Variants in RPS27A observed in about 807,000 individuals in gnomAD.
RPS27A encodes ribosomal protein S27a, also known as ubiquitin-ribosomal protein eS31 fusion protein.
A neutral mutation model predicts 18.9 loss-of-function variants in RPS27A; 1 was observed. The observed-to-expected ratio is 0.05, with a 90% CI of 0.02 to 0.25. The LOEUF (loss-of-function observed/expected upper bound fraction) is 0.25. Ranked by LOEUF, RPS27A falls within the 10% of genes least tolerant of loss-of-function variation. The pLI is 1.00. For synonymous variants in RPS27A, 77 were observed against 63.7 expected, an observed-to-expected ratio of 1.21 and a Z score of -0.99; for missense variants, 123 against 187.4, an observed-to-expected ratio of 0.66 and a Z score of 2.01.
chr2:55,233,086 A>G (rs1302815314), intron 2 of RPS27A: 1 of 649,650 alleles, frequency 1.5e-6, no homozygotes, highest in Non-Finnish European at 2.8e-6. Context: ...GGTTCCAGCT[A>G]GTTAGTTAAA....
At position 55,234,965 on chromosome 2, in the gene RPS27A, G is replaced by A. The variant is rs764788290; in HGVS notation, c.321+3G>A. 1.9e-6 allele frequency: 3 copies of A among 1,612,772 alleles called. No individual in the cohort carries two copies. The highest frequency in any genetic ancestry group is 1.7e-5 in the Admixed American group (1 of 59,992). Reference sequence around the variant, plus strand: ...TGGCTGTCCTGAAATATTATAAGGTGAGCCAGTTAAAGGGCAGAATGTCAG... The same window carrying A: ...TGGCTGTCCTGAAATATTATAAGGTAAGCCAGTTAAAGGGCAGAATGTCAG... On this transcript the variant is annotated splice_donor_region_variant and intron_variant, in intron 5 of 5. Coordinates refer to ENST00000272317, the MANE Select transcript of RPS27A (RefSeq NM_002954.6).
chr2:55,232,044 T>C (rs114057082), upstream of RPS27A: 4,061 of 152,456 alleles, frequency 0.027, 97 homozygotes, highest in South Asian at 0.045. Flanking sequence ...GCAAATTCCC[T>C]TCCCTTGAAG....
At position 55,235,691 on chromosome 2, in the gene RPS27A, C is replaced by G; in HGVS notation, c.*114C>G. 8.5e-7 allele frequency: 1 copy of G among 1,176,428 alleles called. No individual in the cohort carries two copies. Among genetic ancestry groups the G allele is most frequent in the Non-Finnish European group, 1.2e-6 (1 of 803,564 alleles). The allele number at this position is 1,176,428 out of a possible 1,614,324, so 72.9% of individuals were successfully genotyped here. On this transcript the variant is annotated 3_prime_UTR_variant, in exon 6 of 6. Transcript: ENST00000272317. Reference sequence around the variant, plus strand: ...GTCACACCATTTCCTTTTAGTAGTGCTACTGCTATCGCTGTGTGAATGTTG... The same window carrying G: ...GTCACACCATTTCCTTTTAGTAGTGGTACTGCTATCGCTGTGTGAATGTTG...
chr2:55,235,063 A>T (rs571819254), intron 5 of RPS27A, 101 bp downstream of exon 5: 27 of 1,273,968 alleles, frequency 2.1e-5, no homozygotes, highest in Non-Finnish European at 2.8e-5. Context: ...TAAACACCCA[A>T]TATTATCCCA....
At position 55,234,104 on chromosome 2, in the gene RPS27A, G is replaced by T; in HGVS notation, c.104-15G>T. The T allele has an allele frequency of 6.2e-7, 1 of 1,605,956 alleles. No individual in the cohort carries two copies. On this transcript the variant is annotated splice_polypyrimidine_tract_variant and intron_variant, in intron 3 of 5. Transcript: ENST00000272317. ...CTTGGTGTGCTGTGACTTAATTTTT[G>T]TTTTTTGTCATTAGGAATTCCTCCT...
At chr2:55,232,661 A>T, upstream of RPS27A, 2 of 720,068 alleles carry the variant, frequency 2.8e-6, no homozygotes, top group Admixed American at 2.1e-5. Flanking sequence ...GCTCCGGGAA[A>T]CCCCGTGGGC....
Position 55,234,868 on chromosome 2 carries a change from G to C in RPS27A, c.227G>C (p.Gly76Ala), listed in dbSNP as rs1675712707. The change falls in exon 5 of 6, where the codon GGT (glycine) becomes GCT (alanine). Residue 76 changes from glycine to alanine, a missense_variant. Transcript: ENST00000272317. The stretch of plus-strand genomic sequence containing the variant: ...CATCTTGTGTTGAGACTTCGTGGTG[G>C]TGCTAAGAAAAGGAAGAAGAAGTCT... Reference protein sequence around the residue: ...TLHLVLRLRGGAKKRKKKSYT... With the variant: ...TLHLVLRLRGAAKKRKKKSYT... 1 of 1,612,510 alleles carries C rather than the reference G, an allele frequency of 6.2e-7. No individual in the cohort carries two copies. The highest frequency in any genetic ancestry group is 8.5e-7 in the Non-Finnish European group (1 of 1,179,928).
At chr2:55,232,730 G>A (rs776603515) in intron 1 of RPS27A, 22 bp downstream of exon 1, 2 of 1,135,190 alleles carry the variant, frequency 1.8e-6, no homozygotes, top group East Asian at 2.4e-5. Context: ...CACTTCGGCT[G>A]CTCTCGGGTT....
In RPS27A at chr2:55,234,308, G is replaced by A. The variant is rs1675682602; in HGVS notation, c.189+104G>A. ...AGGCTCTGACTCTGTCACCTAGGGTGGAGTGAGTGGCGCAGTCACTGCAAC... is the reference window on the plus strand; with the variant it reads ...AGGCTCTGACTCTGTCACCTAGGGTAGAGTGAGTGGCGCAGTCACTGCAAC... On this transcript the variant is annotated intron_variant, in intron 4 of 5. Transcript: ENST00000272317. 4 of 814,204 alleles carry A rather than the reference G, an allele frequency of 4.9e-6. No individual in the cohort carries two copies. In the South Asian group the frequency reaches 5.8e-5, roughly 12 times the overall value. The allele number at this position is 814,204 out of a possible 1,614,324, so 50.4% of individuals were successfully genotyped here.
chr2:55,233,034 T>C (rs1675562437), intron 2 of RPS27A, 162 bp downstream of exon 2: 1 of 718,100 alleles, frequency 1.4e-6, no homozygotes. Flanking sequence ...GACCTAGAGG[T>C]GATTTTCGGT....
chr2:55,232,900 C>G (rs747174865), intron 2 of RPS27A, 28 bp downstream of exon 2: 31 of 1,594,892 alleles, frequency 1.9e-5, no homozygotes, highest in African/African-American at 2.7e-5. Context: ...ATGAGGAAGC[C>G]AAGGTCCGAA....
chr2:55,234,625 T>A (rs374384803), intron 4 of RPS27A: 5 of 622,524 alleles, frequency 8.0e-6, no homozygotes, highest in Non-Finnish European at 1.4e-5. Flanking sequence ...TTTTGCAAGT[T>A]GTATCCCATG....
chr2:55,233,112 T>G (rs993140671), intron 2 of RPS27A: 2 of 637,870 alleles, frequency 3.1e-6, no homozygotes, highest in Admixed American at 2.6e-5. Flanking sequence ...GGAGCTGCGG[T>G]GGGGAAGGAG....
At chr2:55,234,588 G>T (rs1376336872) in intron 4 of RPS27A, 2 of 576,472 alleles carry the variant, frequency 3.5e-6, no homozygotes, top group Admixed American at 3.0e-5. Flanking sequence ...TACTTGAGAA[G>T]CACTGCTATA....
rs562045010 is a variant in RPS27A at position 55,232,721 on chromosome 2, A to G, written c.-18+13A>G. On this transcript the variant is annotated intron_variant, in intron 1 of 5. Coordinates refer to ENST00000272317, the MANE Select transcript of RPS27A (RefSeq NM_002954.6). ...TCCGCCATCTGCGGTGGGTGTCTGC[A>G]CTTCGGCTGCTCTCGGGTTAGCACC... The G allele has an allele frequency of 1.4e-5, 14 of 1,021,696 alleles. No individual in the cohort carries two copies. Among genetic ancestry groups the G allele is most frequent in the African/African-American group, 4.7e-5 (3 of 63,576 alleles). The allele number at this position is 1,021,696 out of a possible 1,614,324, so 63.3% of individuals were successfully genotyped here.
At chr2:55,233,172 G>A (rs895910037) in intron 2 of RPS27A, 191 bp from the exon 3 acceptor site, 10 of 672,010 alleles carry the variant, frequency 1.5e-5, no homozygotes, top group Non-Finnish European at 2.4e-5. Context: ...GCCGCCGCCC[G>A]CTCTGGGCTG....
rs542302999 is a variant in RPS27A at position 55,234,660 on chromosome 2, G to A, written c.190-171G>A. On this transcript the variant is annotated intron_variant, in intron 4 of 5. Transcript: ENST00000272317. The stretch of plus-strand genomic sequence containing the variant: ...GGTGTAATGTAATGCATTCTTTAAT[G>A]TCCCTATAAACTGTCAGTTAAGAAT... 32 of 722,718 alleles carry A rather than the reference G, an allele frequency of 4.4e-5. No individual in the cohort carries two copies. In the Admixed American group the frequency reaches 6.5e-4, roughly 15 times the overall value. 44.8% of individuals were successfully genotyped at this position (722,718 alleles called of 1,614,324 possible). A position where few individuals can be genotyped will look rare whatever the true frequency, so the allele number is the denominator to read the frequency against.
At chr2:55,233,226 C>T (rs2104213391) in intron 2 of RPS27A, 137 bp from the exon 3 acceptor site, 2 of 791,070 alleles carry the variant, frequency 2.5e-6, no homozygotes, top group Non-Finnish European at 2.2e-6. Context: ...GGAGGTTGCC[C>T]ACTGGGTGGG....
At chr2:55,235,233 A>T in intron 5 of RPS27A, 195 bp from the exon 6 acceptor site, 1 of 725,918 alleles carries the variant, frequency 1.4e-6, no homozygotes, top group Non-Finnish European at 2.3e-6. Flanking sequence ...GCTGGCCTTT[A>T]GTGTTCAAAA....
Sources: gnomAD v4.1 joint callset for allele counts on GRCh38, gnomAD v4.1.1 for gene constraint, MANE v1.5 for transcripts, NCBI Gene and HGNC (gene_info 2026-07-23, HGNC 2026-07-21) for gene names.